Variants in GSTO2 observed in about 807,000 individuals in gnomAD.
GSTO2 encodes the protein glutathione S-transferase omega 2, also known as glutathione S-transferase omega-2.
A neutral mutation model predicts 28.4 loss-of-function variants in GSTO2; 23 were observed. That is an observed-to-expected ratio of 0.81 (90% CI 0.58 to 1.15). The LOEUF (loss-of-function observed/expected upper bound fraction) is 1.15. GSTO2 is among the 50% of genes most tolerant of loss of function. The pLI is 0.00. For missense variants in GSTO2, 298 were observed against 297.8 expected (o/e 1.00, Z 0.00); for synonymous variants, 109 against 111.0 (o/e 0.98, Z 0.11).
At chr10:104,287,029 A>G (rs758454700) in intron 5 of GSTO2, among the ~76,000 whole-genome samples, 5 of 152,142 alleles carry the variant, frequency 3.3e-5, no homozygotes, top group Non-Finnish European at 7.4e-5. Context: ...CTTGGTTACT[A>G]TTATGATGTA....
In GSTO2 at chr10:104,299,403, G is replaced by A. The variant is rs891524108; in HGVS notation, c.*119G>A. On this transcript the variant is annotated 3_prime_UTR_variant, in exon 7 of 7. Transcript: ENST00000338595. ...TTTTCTTTGAAGTTCCCAATAAAATGAAAACAGGAAATGTATTCTTCTGAT... is the reference window on the plus strand; with the variant it reads ...TTTTCTTTGAAGTTCCCAATAAAATAAAAACAGGAAATGTATTCTTCTGAT... The A allele has an allele frequency of 1.8e-6, 2 of 1,129,656 alleles. No individual in the cohort carries two copies. Among genetic ancestry groups the A allele is most frequent in the East Asian group, 4.8e-5 (2 of 41,868 alleles). The allele number at this position is 1,129,656 out of a possible 1,614,324, so 70.0% of individuals were successfully genotyped here.
Position 104,269,223 on chromosome 10 carries a change from GC to G in GSTO2, c.-275del, listed in dbSNP as rs1278141357. The stretch of plus-strand genomic sequence containing the variant: ...TGCCGCCGCCAATCCTGGTCCGGTT[GC>G]CCGAGTTCCCGGAGGTCTCTCGCGG... On this transcript the variant is annotated 5_prime_UTR_variant, in exon 1 of 7. Transcript: ENST00000338595. The G allele has an allele frequency of 2.0e-5, 3 of 152,512 alleles. No homozygotes were observed. Among genetic ancestry groups the G allele is most frequent in the African/African-American group, 7.2e-5 (3 of 41,466 alleles). The allele number at this position is 152,512 out of a possible 1,614,324, so 9.4% of individuals were successfully genotyped here.
Position 104,274,828 on chromosome 10 carries a change from G to T in GSTO2, c.-88G>T. 6.7e-7 allele frequency: 1 copy of T among 1,489,580 alleles called. No individual in the cohort carries two copies. Among genetic ancestry groups the T allele is most frequent in the Non-Finnish European group, 9.2e-7 (1 of 1,087,332 alleles). The allele number at this position is 1,489,580 out of a possible 1,614,324, so 92.3% of individuals were successfully genotyped here. Reference sequence around the variant, plus strand: ...TGGGGCAAGGGGTGCGCGCCAGAGCGCAGCTGTTTCTGGAGCCTGCGGCAG... The same window carrying T: ...TGGGGCAAGGGGTGCGCGCCAGAGCTCAGCTGTTTCTGGAGCCTGCGGCAG... On this transcript the variant is annotated 5_prime_UTR_variant, in exon 2 of 7. Transcript: ENST00000338595.
chr10:104,279,258 T>G (rs1287579427), intron 4 of GSTO2, 112 bp from the exon 5 acceptor site: 2 of 788,518 alleles, frequency 2.5e-6, no homozygotes, highest in African/African-American at 1.7e-5. Context: ...GGGTCTGATG[T>G]GGGTGTTGCC....
In GSTO2 at chr10:104,304,231, G is replaced by T. The variant is rs950192608; in HGVS notation, c.*4947G>T. 5.3e-5 allele frequency: 8 copies of T among 152,228 alleles called. No individual in the cohort carries two copies. The highest frequency in any genetic ancestry group is 1.9e-4 in the African/African-American group (8 of 41,440). 9.4% of individuals were successfully genotyped at this position (152,228 alleles called of 1,614,324 possible). On this transcript the variant is annotated 3_prime_UTR_variant, in exon 7 of 7. Transcript: ENST00000338595. ...CATTTTCATTTATCTTCTTCTTTGA[G>T]TGCCTGGAAGGCTGAACATTTGATC...
intron 5 of GSTO2, among the ~76,000 whole-genome samples, chr10:104,289,811 GCAAA>G (rs1035012246): frequency 5.9e-5 from 9 of 152,260 alleles, no homozygotes; most frequent in African/African-American, 1.9e-4. Context: ...CACACAAATG[GCAAA>G]CAGACATATG....
At position 104,300,244 on chromosome 10, in the gene GSTO2, A is replaced by G. The variant is rs988294583; in HGVS notation, c.*960A>G. ...CTCAGGATGTCTCACAAAATGTTCT[A>G]TAGCCGGCATCCTGCCTTAAAAAAA... On this transcript the variant is annotated 3_prime_UTR_variant, in exon 7 of 7. Transcript: ENST00000338595. 6.6e-6 allele frequency: 1 copy of G among 152,218 alleles called. No individual in the cohort carries two copies. The highest frequency in any genetic ancestry group is 1.5e-5 in the Non-Finnish European group (1 of 68,052). The allele number at this position is 152,218 out of a possible 1,614,324, so 9.4% of individuals were successfully genotyped here.
At chr10:104,273,255 C>T (rs1564841823) in intron 1 of GSTO2, among the ~76,000 whole-genome samples, 1 of 151,118 alleles carries the variant, frequency 6.6e-6, no homozygotes, top group East Asian at 1.9e-4. Flanking sequence ...AAGTTGTCAG[C>T]GTAGCAAGCC....
chr10:104,287,556 T>C (rs560595298), intron 5 of GSTO2, among the ~76,000 whole-genome samples: 29 of 152,166 alleles, frequency 1.9e-4, no homozygotes, highest in Non-Finnish European at 3.8e-4. Flanking sequence ...CATTAAAAGA[T>C]TGCCTAGAAA....
At position 104,293,563 on chromosome 10, in the gene GSTO2, A is replaced by ATTTTTTTTTTTTTTTTTTTTTTTTTTT. The variant is rs397787244; in HGVS notation, c.469-3993_469-3992insTTTTTTTTTTTTTTTTTTTTTTTTTTT. On this transcript the variant is annotated intron_variant, in intron 5 of 6. Transcript: ENST00000338595. ...AGGCATGAGCCACTGCGCCTGGCCA[A>ATTTTTTTTTTTTTTTTTTTTTTTTTTT]TTTTTTTTTTTTTTTTTTTTTTGCG... 2.0e-3 allele frequency among the ~76,000 whole-genome samples: 162 copies of ATTTTTTTTTTTTTTTTTTTTTTTTTTT among 81,616 alleles called. 28 individuals are homozygous for ATTTTTTTTTTTTTTTTTTTTTTTTTTT. Among genetic ancestry groups the ATTTTTTTTTTTTTTTTTTTTTTTTTTT allele is most frequent in the African/African-American group, 3.4e-3 (56 of 16,246 alleles). 53.5% of individuals were successfully genotyped at this position (81,616 alleles called of 152,430 possible). A position where few individuals can be genotyped will look rare whatever the true frequency, so the allele number is the denominator to read the frequency against.
chr10:104,292,875 A>C (rs117365814), intron 5 of GSTO2, among the ~76,000 whole-genome samples: 5,167 of 152,314 alleles, frequency 0.034, 127 homozygotes, highest in Middle Eastern at 0.099. Flanking sequence ...CCCATTTTTC[A>C]TTCCATTTCT....
intron 5 of GSTO2, chr10:104,286,000 T>C: frequency 3.0e-6 from 1 of 335,994 alleles, no homozygotes; most frequent in Non-Finnish European, 5.9e-6. Flanking sequence ...TGTATCCTTT[T>C]ATATATAGTA....
At position 104,301,601 on chromosome 10, in the gene GSTO2, T is replaced by C. The variant is rs2013259130; in HGVS notation, c.*2317T>C. 1 of 152,168 alleles carries C rather than the reference T, an allele frequency of 6.6e-6. No individual in the cohort carries two copies. The allele number at this position is 152,168 out of a possible 1,614,324, so 9.4% of individuals were successfully genotyped here. A position where few individuals can be genotyped will look rare whatever the true frequency, so the allele number is the denominator to read the frequency against. ...ATTAAATAATGCTCCATGAAGAACT[T>C]TAAAAATATGCTTCTTAATTAATAC... On this transcript the variant is annotated 3_prime_UTR_variant, in exon 7 of 7. Coordinates refer to ENST00000338595, the MANE Select transcript of GSTO2 (RefSeq NM_183239.2).
rs2013185579 is a variant in GSTO2 at position 104,299,296 on chromosome 10, C to T, written c.*12C>T. On this transcript the variant is annotated 3_prime_UTR_variant, in exon 7 of 7. Transcript: ENST00000338595. ...TTGGGCTGTGCTGAGTCTCACTGTCCACCCCTTCGCTGTCCAGAATTCCCC... is the reference window on the plus strand; with the variant it reads ...TTGGGCTGTGCTGAGTCTCACTGTCTACCCCTTCGCTGTCCAGAATTCCCC... 5 of 1,613,496 alleles carry T rather than the reference C, an allele frequency of 3.1e-6. No homozygotes were observed. The highest frequency in any genetic ancestry group is 4.2e-6 in the Non-Finnish European group (5 of 1,179,808).
chr10:104,292,577 C>G (rs2012827346), intron 5 of GSTO2, among the ~76,000 whole-genome samples: 1 of 152,058 alleles, frequency 6.6e-6, no homozygotes, highest in Admixed American at 6.5e-5. Flanking sequence ...GTCCTCCCAC[C>G]TCAGCCTCCC....
intron 1 of GSTO2, among the ~76,000 whole-genome samples, chr10:104,271,064 GA>G (rs1228088678): frequency 2.0e-5 from 3 of 152,184 alleles, no homozygotes; most frequent in African/African-American, 7.2e-5. Context: ...GTATAAACAT[GA>G]AATAACATAG....
At chr10:104,285,275 T>C (rs2012350926) in intron 5 of GSTO2, among the ~76,000 whole-genome samples, 1 of 152,134 alleles carries the variant, frequency 6.6e-6, no homozygotes, top group Non-Finnish European at 1.5e-5. Flanking sequence ...TTATTTTCTT[T>C]TCCTCTTTTA....
In GSTO2 at chr10:104,292,840, C is replaced by T. The variant is rs141271356; in HGVS notation, c.469-4738C>T. Among the ~76,000 whole-genome samples the T allele has an allele frequency of 1.5e-3, 222 of 152,290 alleles. 1 individual carries two copies. The highest frequency in any genetic ancestry group is 5.0e-3 in the African/African-American group (207 of 41,554). On this transcript the variant is annotated intron_variant, in intron 5 of 6. Transcript: ENST00000338595. ...GATGGATTGGATATTAACATAACTA[C>T]TGCTAAGTGGATCTAGATCTAACAC...
chr10:104,293,547 C>T (rs1237847061), intron 5 of GSTO2, among the ~76,000 whole-genome samples: 1 of 110,456 alleles, frequency 9.1e-6, no homozygotes, highest in Non-Finnish European at 2.0e-5. Context: ...CAGGCATGAG[C>T]CACTGCGCCT....
Sources: allele counts gnomAD v4.1 joint callset (sites outside exome capture counted in the v4.1 genomes callset), GRCh38; gene constraint gnomAD v4.1.1; transcripts MANE v1.5; gene names NCBI Gene and HGNC (gene_info 2026-07-23, HGNC 2026-07-21).